The following PRKACB variants were observed in gnomAD, a reference collection of about 807,000 sequenced individuals.
The protein encoded by PRKACB is cAMP-dependent protein kinase catalytic subunit beta.
PRKACB carries 16 observed loss-of-function variants against 51.4 expected under a neutral mutation model. The observed-to-expected ratio is 0.31, with a 90% confidence interval of 0.21 to 0.47. PRKACB has a LOEUF of 0.47. Among genes scored for constraint, PRKACB ranks in the 20% least tolerant of loss-of-function variants. PRKACB has a pLI of 1.00. For missense variants in PRKACB, 309 were observed against 464.5 expected, an observed-to-expected ratio of 0.67 and a Z score of 3.08; for synonymous variants, 147 against 154.4, an observed-to-expected ratio of 0.95 and a Z score of 0.35.
chr1:84,133,255 T>TA (rs1388293538), intron 1 of PRKACB, among the ~76,000 whole-genome samples: 1 of 151,776 alleles, frequency 6.6e-6, no homozygotes, highest in Non-Finnish European at 1.5e-5. Flanking sequence ...AGAAAAAAAA[T>TA]ACCAACTGAC....
At chr1:84,165,418 T>C (rs1420875345) in intron 1 of PRKACB, among the ~76,000 whole-genome samples, 2 of 151,828 alleles carry the variant, frequency 1.3e-5, no homozygotes, top group African/African-American at 4.8e-5. Context: ...TTAGATTATT[T>C]TTATTAGATT....
intron 7 of PRKACB, among the ~76,000 whole-genome samples, chr1:84,201,620 T>G (rs975152022): frequency 1.3e-5 from 2 of 152,106 alleles, no homozygotes; most frequent in African/African-American, 4.8e-5. Flanking sequence ...TCTATAGCGC[T>G]AAAGTATTAT....
rs777355678 is a variant in PRKACB, at chr1:84,196,597, T to C, written c.561-19T>C. 5.3e-5 allele frequency: 84 copies of C among 1,599,618 alleles called. No individual in the cohort carries two copies. The South Asian group carries it at 9.6e-4, about 18-fold the overall frequency. ...TTAACTCATTTTTACAGAAAATCAA[T>C]GGTTTTATTTCTTTGCAGTGAGCCC... On this transcript the variant is annotated intron_variant, in intron 5 of 9. Transcript: ENST00000370685.
At chr1:84,234,775 G>A (rs910450793) in intron 9 of PRKACB, among the ~76,000 whole-genome samples, 40 of 151,934 alleles carry the variant, frequency 2.6e-4, no homozygotes, top group Non-Finnish European at 4.1e-4. Flanking sequence ...GCTTCGGCTC[G>A]CACACGGTGC....
chr1:84,214,033 T>C (rs1470462702), intron 8 of PRKACB, 120 bp from the exon 9 acceptor site: 4 of 1,003,322 alleles, frequency 4.0e-6, no homozygotes, highest in Non-Finnish European at 5.6e-6. Flanking sequence ...GTGAAGGTCA[T>C]CGCTCCATAT....
chr1:84,157,923 T>C (rs1394654102), intron 1 of PRKACB, among the ~76,000 whole-genome samples: 1 of 152,146 alleles, frequency 6.6e-6, no homozygotes, highest in Admixed American at 6.6e-5. Flanking sequence ...AGAAGTAGAA[T>C]TTCTAGGTCA....
At chr1:84,169,740 A>G (rs1292637869) in intron 1 of PRKACB, among the ~76,000 whole-genome samples, 1 of 151,696 alleles carries the variant, frequency 6.6e-6, no homozygotes, top group African/African-American at 2.4e-5. Flanking sequence ...GTTGAAGAAA[A>G]ACTTGAATCT....
chr1:84,106,927 A>G (rs762613952), intron 1 of PRKACB, among the ~76,000 whole-genome samples: 1 of 152,176 alleles, frequency 6.6e-6, no homozygotes, highest in Non-Finnish European at 1.5e-5. Flanking sequence ...ATGGAACAGA[A>G]TAGAGAGCCC....
intron 1 of PRKACB, among the ~76,000 whole-genome samples, chr1:84,158,883 A>G (rs1021081544): frequency 3.9e-5 from 6 of 152,118 alleles, no homozygotes; most frequent in African/African-American, 7.2e-5. Context: ...ACTACTTGTT[A>G]AAAAGAATTT....
At chr1:84,230,196 T>A (rs1675380361) in intron 9 of PRKACB, among the ~76,000 whole-genome samples, 1 of 151,432 alleles carries the variant, frequency 6.6e-6, no homozygotes, top group Non-Finnish European at 1.5e-5. Context: ...GGGAATCCTT[T>A]CCCCATTGCT....
chr1:84,219,001 T>C (rs1673275960), intron 9 of PRKACB, among the ~76,000 whole-genome samples: 1 of 152,196 alleles, frequency 6.6e-6, no homozygotes, highest in Non-Finnish European at 1.5e-5. Context: ...TTTTGGCTAC[T>C]GAATTATTGG....
At chr1:84,179,671 G>C (rs1309775026) in intron 2 of PRKACB, among the ~76,000 whole-genome samples, 1 of 151,660 alleles carries the variant, frequency 6.6e-6, no homozygotes, top group Non-Finnish European at 1.5e-5. Context: ...ATTTTGATGG[G>C]TTATGTTCTA....
At chr1:84,168,534 C>T (rs1358406731) in intron 1 of PRKACB, among the ~76,000 whole-genome samples, 3 of 151,522 alleles carry the variant, frequency 2.0e-5, no homozygotes, top group Non-Finnish European at 4.4e-5. Context: ...TGAATACCAA[C>T]ACTTCATTAA....
chr1:84,205,878 C>T (rs1207327786), intron 8 of PRKACB, among the ~76,000 whole-genome samples: 1 of 151,952 alleles, frequency 6.6e-6, no homozygotes, highest in Non-Finnish European at 1.5e-5. Flanking sequence ...TCTACAAATT[C>T]ATAGTTGAAA....
intron 1 of PRKACB, among the ~76,000 whole-genome samples, chr1:84,105,856 G>A (rs1009923513): frequency 6.6e-6 from 1 of 152,032 alleles, no homozygotes; most frequent in African/African-American, 2.4e-5. Context: ...GGGATTATAG[G>A]TGTAAGCCAC....
intron 1 of PRKACB, among the ~76,000 whole-genome samples, chr1:84,173,783 G>A (rs780647262): frequency 8.6e-5 from 13 of 151,908 alleles, no homozygotes; most frequent in East Asian, 5.8e-4. Flanking sequence ...AGTAGAAGGA[G>A]CATGAATTAT....
At chr1:84,160,409 C>A (rs1656032671) in intron 1 of PRKACB, among the ~76,000 whole-genome samples, 1 of 151,030 alleles carries the variant, frequency 6.6e-6, no homozygotes, top group Non-Finnish European at 1.5e-5. Flanking sequence ...AGTTTCATTA[C>A]TGATTTCTGT....
rs141749538 is a variant in PRKACB, at chr1:84,235,195, A to G, written c.1087A>G (p.Ile363Val). 14 of 1,613,454 alleles carry G rather than the reference A, an allele frequency of 8.7e-6. No individual in the cohort carries two copies. In the African/African-American group the frequency reaches 1.3e-4, roughly 15 times the overall value. ...IYQRKVEAPF[I>V]PKFRGSGDTS... ...TCAATTATAGGTTGAAGCTCCATTC[A>G]TACCAAAGTTTAGAGGCTCTGGAGA... Residue 363 changes from isoleucine (I) to valine (V), a missense_variant, in exon 10 of 10, where the codon ATA becomes GTA. This residue lies in a region of PRKACB where 96 missense variants were observed against 129.9 expected (regional missense o/e 0.74). Transcript: ENST00000370685.
At chr1:84,081,239 T>G (rs1253266769) in intron 1 of PRKACB, among the ~76,000 whole-genome samples, 1 of 152,188 alleles carries the variant, frequency 6.6e-6, no homozygotes, top group Non-Finnish European at 1.5e-5. Context: ...CTTGGTTAAC[T>G]TTAACTATCT....
Sources: allele counts gnomAD v4.1 joint callset (sites outside exome capture counted in the v4.1 genomes callset), GRCh38; gene constraint gnomAD v4.1.1; regional missense constraint gnomAD v4.1.1; transcripts MANE v1.5; gene names NCBI Gene and HGNC (gene_info 2026-07-23, HGNC 2026-07-21).